Variants in HEPHL1 observed in about 807,000 individuals in gnomAD.
The protein encoded by HEPHL1 is hephaestin like 1.
HEPHL1 carries 123 observed loss-of-function variants against 122.0 expected under a neutral mutation model. That is an observed-to-expected ratio of 1.01 (90% CI 0.87 to 1.17). HEPHL1 has a LOEUF of 1.17. HEPHL1 is among the 50% of genes most tolerant of loss of function. The probability of loss-of-function intolerance (pLI) is 0.00; values close to 1 mark genes in which losing one functional copy is unlikely to be tolerated. For synonymous variants in HEPHL1, 527 were observed against 508.9 expected (o/e 1.04, Z -0.48); for missense variants, 1,452 against 1,430.5 (o/e 1.01, Z -0.24).
intron 15 of HEPHL1, among the ~76,000 whole-genome samples, chr11:94,103,454 A>G (rs1946385406): frequency 1.3e-5 from 2 of 152,178 alleles, no homozygotes; most frequent in African/African-American, 4.8e-5. Context: ...CAATTTATGT[A>G]TGGTTTTGGA....
chr11:94,072,880 T>C, intron 6 of HEPHL1, 145 bp from the exon 7 acceptor site: 1 of 689,584 alleles, frequency 1.5e-6, no homozygotes, highest in Non-Finnish European at 2.4e-6. Flanking sequence ...TAACTATTCC[T>C]GGGAACTCTG....
Position 94,054,359 on chromosome 11 carries a change from A to G in HEPHL1, c.415+8442A>G, listed in dbSNP as rs755409769. On this transcript the variant is annotated intron_variant, in intron 2 of 19. Transcript: ENST00000315765. The stretch of plus-strand genomic sequence containing the variant: ...GATCTCAGTCTAGGGCTCCTCTTGC[A>G]CTATCTAAGTCCATCCGGGTATTAG... Among the ~76,000 whole-genome samples, 8 of 152,290 alleles carry G rather than the reference A, an allele frequency of 5.3e-5. No homozygotes were observed. The South Asian group carries it at 8.3e-4, about 16-fold the overall frequency.
chr11:94,045,590 C>G, intron 1 of HEPHL1, 83 bp from the exon 2 acceptor site: 1 of 1,203,870 alleles, frequency 8.3e-7, no homozygotes, highest in East Asian at 2.6e-5. Context: ...GTCATACATG[C>G]AATACTTTAT....
At chr11:94,086,231 T>C in intron 11 of HEPHL1, 42 bp downstream of exon 11, 1 of 1,442,438 alleles carries the variant, frequency 6.9e-7, no homozygotes, top group Non-Finnish European at 9.6e-7. Context: ...GATTTCTACC[T>C]TCAGGCTCAT....
intron 1 of HEPHL1, among the ~76,000 whole-genome samples, chr11:94,045,415 G>T (rs923676896): frequency 1.1e-4 from 17 of 152,232 alleles, no homozygotes; most frequent in Non-Finnish European, 2.4e-4. Context: ...CAAATTTGTA[G>T]TGTGGCTTTA....
chr11:94,076,532 G>C (rs192913692), intron 9 of HEPHL1, among the ~76,000 whole-genome samples: 33 of 152,048 alleles, frequency 2.2e-4, no homozygotes, highest in Admixed American at 1.8e-3. Context: ...AGGTTTGCTA[G>C]AAGCACCTCA....
intron 13 of HEPHL1, 144 bp downstream of exon 13, chr11:94,093,784 T>C (rs1434150697): frequency 1.1e-6 from 1 of 930,592 alleles, no homozygotes; most frequent in Admixed American, 3.0e-5. Context: ...AATATCTTCC[T>C]GCTCTACCAT....
intron 13 of HEPHL1, among the ~76,000 whole-genome samples, chr11:94,096,924 T>C (rs1946321085): frequency 6.6e-6 from 1 of 152,232 alleles, no homozygotes; most frequent in Non-Finnish European, 1.5e-5. Flanking sequence ...TCTTTGATAG[T>C]CTTGCTGGCA....
At chr11:94,058,408 A>G (rs1259833104) in intron 2 of HEPHL1, among the ~76,000 whole-genome samples, 1 of 152,182 alleles carries the variant, frequency 6.6e-6, no homozygotes. Flanking sequence ...AAAGTCTTGA[A>G]GTCTCTGCTT....
At chr11:94,096,934 A>G (rs1211300169) in intron 13 of HEPHL1, among the ~76,000 whole-genome samples, 2 of 151,938 alleles carry the variant, frequency 1.3e-5, no homozygotes, top group Non-Finnish European at 2.9e-5. Flanking sequence ...TCTTGCTGGC[A>G]GTCTGTCAAT....
chr11:94,093,705 G>A, intron 13 of HEPHL1, 65 bp downstream of exon 13: 2 of 1,535,804 alleles, frequency 1.3e-6, no homozygotes, highest in Non-Finnish European at 1.8e-6. Context: ...ATACTCATGT[G>A]TTCTGTTACA....
rs554587068 is a variant in HEPHL1, at chr11:94,056,223, T to C, written c.416-7285T>C. ...CTTTTGCTATTTGAATTATTTTACT[T>C]TCAACTTATTTGTGTCTTTCAATGT... On this transcript the variant is annotated intron_variant, in intron 2 of 19. Coordinates refer to ENST00000315765, the MANE Select transcript of HEPHL1 (RefSeq NM_001098672.2). Among the ~76,000 whole-genome samples the C allele has an allele frequency of 4.6e-5, 7 of 152,322 alleles. No homozygotes were observed. The East Asian group carries it at 1.4e-3, about 29-fold the overall frequency.
chr11:94,021,539 G>C lies in HEPHL1; in HGVS notation c.170+1G>C. Reference sequence around the variant, plus strand: ...CTGGGAAAAGTTTCACAGAAGACAAGTGAGTGAACTTAGGGTCCTCATTGA... The same window carrying C: ...CTGGGAAAAGTTTCACAGAAGACAACTGAGTGAACTTAGGGTCCTCATTGA... On this transcript the variant is annotated splice_donor_variant, in intron 1 of 19. Transcript: ENST00000315765. LOFTEE classifies it high-confidence loss of function. The C allele has an allele frequency of 6.2e-7, 1 of 1,602,700 alleles. No individual in the cohort carries two copies.
At chr11:94,034,444 A>G (rs533401472) in intron 1 of HEPHL1, among the ~76,000 whole-genome samples, 85 of 152,234 alleles carry the variant, frequency 5.6e-4, no homozygotes, top group Non-Finnish European at 1.1e-3. Context: ...TAATGTGATC[A>G]TCTCTTTGAG....
rs369131500 is a variant in HEPHL1 at position 94,101,340 on chromosome 11, G to A, written c.2575+5G>A. ...AAGTGCCCATGACAAAACCAGGTAA[G>A]TTGTGTCAGAGGTCTGCTCCATCTT... On this transcript the variant is annotated splice_donor_5th_base_variant and intron_variant, in intron 14 of 19. Coordinates refer to ENST00000315765, the MANE Select transcript of HEPHL1 (RefSeq NM_001098672.2). 3.1e-4 allele frequency: 492 copies of A among 1,611,160 alleles called. 3 individuals are homozygous for A. The highest frequency in any genetic ancestry group is 3.9e-4 in the Non-Finnish European group (462 of 1,178,086).
At chr11:94,093,787 T>C in intron 13 of HEPHL1, 147 bp downstream of exon 13, 1 of 917,602 alleles carries the variant, frequency 1.1e-6, no homozygotes, top group African/African-American at 1.7e-5. Context: ...ATCTTCCTGC[T>C]CTACCATTAT....
intron 1 of HEPHL1, among the ~76,000 whole-genome samples, chr11:94,029,708 G>A (rs1945656670): frequency 6.6e-6 from 1 of 152,202 alleles, no homozygotes; most frequent in Admixed American, 6.5e-5. Flanking sequence ...TGGCTGTATA[G>A]GTGATAAGAC....
At chr11:94,081,074 C>T (rs1300065544) in intron 9 of HEPHL1, among the ~76,000 whole-genome samples, 1 of 152,142 alleles carries the variant, frequency 6.6e-6, no homozygotes, top group Admixed American at 6.5e-5. Context: ...GCTGGATAAA[C>T]AAATTGTGGT....
At chr11:94,039,336 C>T (rs1945753737) in intron 1 of HEPHL1, among the ~76,000 whole-genome samples, 1 of 151,840 alleles carries the variant, frequency 6.6e-6, no homozygotes, top group African/African-American at 2.4e-5. Context: ...AACAAGGATA[C>T]CCAGGAATTG....
Sources: gnomAD v4.1 joint callset for allele counts (sites outside exome capture counted in the v4.1 genomes callset) on GRCh38, gnomAD v4.1.1 for gene constraint, MANE v1.5 for transcripts, NCBI Gene and HGNC (gene_info 2026-07-23, HGNC 2026-07-21) for gene names.